CHLSN: variants seen among roughly 807,000 people sequenced by gnomAD.
CHLSN encodes the protein protein cholesin.
chr7:1,127,567 T>C, the CHLSN span, among the ~76,000 whole-genome samples: 1 of 151,846 alleles, frequency 6.6e-6, no homozygotes, highest in East Asian at 1.9e-4. Flanking sequence ...GACAACCAAC[T>C]TGACACATTT....
the CHLSN span, chr7:997,678 G>C: frequency 6.2e-7 from 1 of 1,610,470 alleles, no homozygotes; most frequent in Non-Finnish European, 8.5e-7. Context: ...CCCGGCAGGG[G>C]GGGATCAGAG....
the CHLSN span, among the ~76,000 whole-genome samples, chr7:1,068,311 T>G: frequency 1.4e-4 from 21 of 152,090 alleles, no homozygotes; most frequent in Non-Finnish European, 2.6e-4. Flanking sequence ...GACCATGACC[T>G]TGGACAAACC....
the CHLSN span, among the ~76,000 whole-genome samples, chr7:984,046 C>T: frequency 4.6e-5 from 7 of 152,178 alleles, no homozygotes; most frequent in Non-Finnish European, 8.8e-5. Context: ...CTCTGGGGGC[C>T]GAGCCTGTCA....
chr7:1,057,304 G>A, the CHLSN span, among the ~76,000 whole-genome samples: 2 of 152,252 alleles, frequency 1.3e-5, no homozygotes, highest in South Asian at 2.1e-4. Context: ...AGCAGCCCCC[G>A]GTCACGACCC....
chr7:1,032,159 G>A, the CHLSN span, among the ~76,000 whole-genome samples: 7 of 152,320 alleles, frequency 4.6e-5, no homozygotes, highest in Admixed American at 2.0e-4. Context: ...AGAATGCAGG[G>A]TAGATGGGCC....
the CHLSN span, among the ~76,000 whole-genome samples, chr7:981,093 C>T: frequency 6.6e-6 from 1 of 151,464 alleles, no homozygotes. Context: ...GTCAGGAGCT[C>T]GAGATCAGCC....
the CHLSN span, among the ~76,000 whole-genome samples, chr7:1,099,214 C>T: frequency 2.0e-5 from 3 of 146,904 alleles, no homozygotes; most frequent in African/African-American, 7.5e-5. Flanking sequence ...TTCCTGCAGC[C>T]GGCCTCCCCT....
chr7:1,137,251 A>C, the CHLSN span: 1 of 152,012 alleles, frequency 6.6e-6, no homozygotes, highest in African/African-American at 2.4e-5. Context: ...CTGGTGCCTC[A>C]CTCCTCCTCC....
the CHLSN span, chr7:1,000,682 T>G: frequency 1.4e-6 from 1 of 698,226 alleles, no homozygotes; most frequent in African/African-American, 1.8e-5. Flanking sequence ...CAAGGCCTCA[T>G]GTGAAGAGGG....
chr7:1,010,575 G>A, the CHLSN span, among the ~76,000 whole-genome samples: 2 of 152,180 alleles, frequency 1.3e-5, no homozygotes, highest in African/African-American at 2.4e-5. Context: ...TCCCGAGGAC[G>A]GTGCCTGGGG....
At chr7:1,101,828 C>T in the CHLSN span, among the ~76,000 whole-genome samples, 2 of 152,262 alleles carry the variant, frequency 1.3e-5, no homozygotes, top group Non-Finnish European at 2.9e-5. Flanking sequence ...CAAGGAGGTG[C>T]GCGTCGCGGA....
chr7:1,042,257 A>G, the CHLSN span, among the ~76,000 whole-genome samples: 1 of 151,406 alleles, frequency 6.6e-6, no homozygotes, highest in Non-Finnish European at 1.5e-5. Context: ...CAAACACATG[A>G]CCCCAGGCCA....
At chr7:1,135,619 T>C in the CHLSN span, among the ~76,000 whole-genome samples, 1 of 150,974 alleles carries the variant, frequency 6.6e-6, no homozygotes, top group Non-Finnish European at 1.5e-5. Context: ...ACACAAAAAT[T>C]AGCTGGGTGT....
chr7:1,103,692 C>T, the CHLSN span, among the ~76,000 whole-genome samples: 1 of 152,358 alleles, frequency 6.6e-6, no homozygotes, highest in East Asian at 1.9e-4. Flanking sequence ...TTAAACAAAA[C>T]CAACAGCGAC....
At chr7:1,070,910 A>G in the CHLSN span, among the ~76,000 whole-genome samples, 1 of 115,922 alleles carries the variant, frequency 8.6e-6, no homozygotes, top group Non-Finnish European at 2.1e-5. Flanking sequence ...ACATGCACGC[A>G]CACACACAGC....
the CHLSN span, among the ~76,000 whole-genome samples, chr7:1,008,836 TA>T: frequency 1.9e-5 from 2 of 107,716 alleles, no homozygotes; most frequent in Non-Finnish European, 3.9e-5. Flanking sequence ...ACAACGTGTA[TA>T]CACACGCACA....
chr7:1,020,448 A>C, the CHLSN span, among the ~76,000 whole-genome samples: 27,489 of 152,024 alleles, frequency 0.18, 2,841 homozygotes, highest in African/African-American at 0.27. Flanking sequence ...CCGCTGCCCC[A>C]TCTTGCGTCT....
the CHLSN span, among the ~76,000 whole-genome samples, chr7:1,040,919 C>G: frequency 1.3e-5 from 2 of 152,250 alleles, no homozygotes; most frequent in African/African-American, 2.4e-5. Context: ...CCGGCTGCAG[C>G]CGCGCTCCGT....
At chr7:1,077,002 C>T in the CHLSN span, among the ~76,000 whole-genome samples, 5 of 152,254 alleles carry the variant, frequency 3.3e-5, no homozygotes, top group East Asian at 1.9e-4. Flanking sequence ...CCTGCTGTTG[C>T]GGGCAGAGGG....
Sources: allele counts gnomAD v4.1 joint callset (sites outside exome capture counted in the v4.1 genomes callset), GRCh38; gene constraint gnomAD v4.1.1; transcripts MANE v1.5; gene names NCBI Gene and HGNC (gene_info 2026-07-23, HGNC 2026-07-21).